GLI2: variants seen among roughly 807,000 people sequenced by gnomAD.
The protein encoded by GLI2 is GLI family zinc finger 2, also known as transcription activator GLI2.
In GLI2, 22 loss-of-function variants were observed where a neutral mutation model predicts 78.9. The ratio of observed to expected loss-of-function variants is 0.28; its 90% CI spans 0.20 to 0.40. The LOEUF is 0.40. GLI2 is among the 10% of genes least tolerant of loss of function. The pLI is 1.00. For missense variants in GLI2, 2,097 were observed against 2,213.2 expected (o/e 0.95, Z 1.05); for synonymous variants, 974 against 963.7 (o/e 1.01, Z -0.20).
In GLI2 at chr2:120,984,598, A is replaced by C. The variant is rs756664261; in HGVS notation, c.1760A>C (p.His587Pro). ...HVTKKQRNDV[H>P]LRTPLLKENG... ...ACCAAGAAGCAGCGCAATGACGTGCACCTCCGCACACCGCTGCTCAAAGAG... is the reference window on the plus strand; with the variant it reads ...ACCAAGAAGCAGCGCAATGACGTGCCCCTCCGCACACCGCTGCTCAAAGAG... Residue 587 changes from histidine to proline, a missense_variant, in exon 12 of 14, where the codon CAC (histidine) becomes CCC (proline). By Grantham distance (77) the His-to-Pro change is moderately conservative. Coordinates refer to ENST00000361492, the MANE Select transcript of GLI2 (RefSeq NM_001374353.1). The C allele has an allele frequency of 7.2e-5, 116 of 1,614,042 alleles. No homozygotes were observed. The highest frequency in any genetic ancestry group is 2.2e-4 in the Admixed American group (13 of 60,004).
chr2:120,860,200 G>A (rs1266734870), intron 2 of GLI2, among the ~76,000 whole-genome samples: 1 of 152,202 alleles, frequency 6.6e-6, no homozygotes, highest in East Asian at 1.9e-4. Flanking sequence ...ATGGACCAGG[G>A]TGGGCTTCAG....
At chr2:120,829,669 G>A (rs554745858) in intron 2 of GLI2, among the ~76,000 whole-genome samples, 8 of 152,300 alleles carry the variant, frequency 5.3e-5, no homozygotes, top group South Asian at 4.1e-4. Context: ...TGTCCCATCC[G>A]TTCTCCAAGT....
chr2:120,888,707 G>A (rs946673299), intron 2 of GLI2, among the ~76,000 whole-genome samples: 2 of 152,202 alleles, frequency 1.3e-5, no homozygotes, highest in African/African-American at 2.4e-5. Flanking sequence ...AAACGTGTGA[G>A]GAAAGCTGAC....
intron 5 of GLI2, among the ~76,000 whole-genome samples, chr2:120,967,445 G>A (rs148841951): frequency 6.6e-6 from 1 of 152,302 alleles, no homozygotes; most frequent in Non-Finnish European, 1.5e-5. Flanking sequence ...CCATTTCTAG[G>A]CCACCGTTTG....
In GLI2 at chr2:120,737,961, T is replaced by C. The variant is rs1298490418; in HGVS notation, c.-31+1676T>C. Reference sequence around the variant, plus strand: ...TGTTCCAGCCACCTCACCTGCCAGCTTTCTCTCCGCCCATTTCCTTACCTT... The same window carrying C: ...TGTTCCAGCCACCTCACCTGCCAGCCTTCTCTCCGCCCATTTCCTTACCTT... On this transcript the variant is annotated intron_variant, in intron 1 of 13. Transcript: ENST00000361492. The surrounding 1 kb of genome is among the most constrained non-coding windows in gnomAD (Gnocchi z 4.3). Among the ~76,000 whole-genome samples, 1 of 152,202 alleles carries C rather than the reference T, an allele frequency of 6.6e-6. No individual in the cohort carries two copies. The highest frequency in any genetic ancestry group is 1.5e-5 in the Non-Finnish European group (1 of 68,030).
chr2:120,872,713 C>T (rs1688529051), intron 2 of GLI2, among the ~76,000 whole-genome samples: 1 of 152,228 alleles, frequency 6.6e-6, no homozygotes, highest in South Asian at 2.1e-4. Context: ...CTCAACTTTG[C>T]TGTAACCTCA....
intron 2 of GLI2, among the ~76,000 whole-genome samples, chr2:120,896,670 C>CACA (rs1163768905): frequency 0.03 from 66 of 2,190 alleles, no homozygotes; most frequent in African/African-American, 0.12. Context: ...CATACACCCA[C>CACA]CCCCCCACAC....
intron 2 of GLI2, among the ~76,000 whole-genome samples, chr2:120,893,392 G>A (rs1677775978): frequency 6.6e-6 from 1 of 151,528 alleles, no homozygotes; most frequent in Admixed American, 6.6e-5. Context: ...GATTCTTGCT[G>A]GGTGCCCCCA....
chr2:120,911,827 G>C (rs962503515), intron 2 of GLI2, among the ~76,000 whole-genome samples: 1 of 151,766 alleles, frequency 6.6e-6, no homozygotes, highest in African/African-American at 2.4e-5. Flanking sequence ...GGATGAGGGG[G>C]TGTGGTGGGG....
intron 2 of GLI2, among the ~76,000 whole-genome samples, chr2:120,865,831 A>G (rs774887291): frequency 6.6e-6 from 1 of 152,216 alleles, no homozygotes; most frequent in Non-Finnish European, 1.5e-5. Context: ...TCTGCATTCA[A>G]GGCTTTGCCA....
At chr2:120,766,131 G>T (rs1174665036) in intron 1 of GLI2, among the ~76,000 whole-genome samples, 1 of 152,182 alleles carries the variant, frequency 6.6e-6, no homozygotes, top group Non-Finnish European at 1.5e-5. Flanking sequence ...CAAGGCTGGG[G>T]CTGGGATGAG....
intron 3 of GLI2, among the ~76,000 whole-genome samples, chr2:120,945,492 G>A (rs1680664898): frequency 6.6e-6 from 1 of 152,218 alleles, no homozygotes; most frequent in Non-Finnish European, 1.5e-5. Context: ...ACTTATGGCT[G>A]GGGTCTGCCT....
At chr2:120,950,292 A>G (rs756372601) in intron 3 of GLI2, among the ~76,000 whole-genome samples, 3 of 152,260 alleles carry the variant, frequency 2.0e-5, no homozygotes, top group Admixed American at 2.0e-4. Flanking sequence ...AAGAATAAAA[A>G]TGAAATCTTG....
At chr2:120,758,969 G>A (rs1394165529) in intron 1 of GLI2, among the ~76,000 whole-genome samples, 1 of 152,140 alleles carries the variant, frequency 6.6e-6, no homozygotes, top group Non-Finnish European at 1.5e-5. Flanking sequence ...ATGACTGGGG[G>A]CCAGGCCCTT....
At chr2:120,740,378 G>A (rs1252337100) in intron 1 of GLI2, among the ~76,000 whole-genome samples, 5 of 152,000 alleles carry the variant, frequency 3.3e-5, no homozygotes, top group African/African-American at 1.2e-4. Context: ...AAACTGTTTT[G>A]GGGATTTGGG....
intron 1 of GLI2, among the ~76,000 whole-genome samples, chr2:120,796,571 C>T (rs1322977531): frequency 6.6e-6 from 1 of 152,232 alleles, no homozygotes. Flanking sequence ...CCCATCCCTA[C>T]CCCAGAGAGG....
intron 2 of GLI2, among the ~76,000 whole-genome samples, chr2:120,898,974 T>A (rs1448599076): frequency 6.6e-6 from 1 of 152,068 alleles, no homozygotes; most frequent in Non-Finnish European, 1.5e-5. Flanking sequence ...ACGTGGCACC[T>A]CCAGACACAG....
rs76865054 is a variant in GLI2 at position 120,803,517 on chromosome 2, T to C, written c.148+6049T>C. Reference sequence around the variant, plus strand: ...CCCTTGCCTGCTGACCCGTTGAGGCTGACAGCAGGTGGGAAACCCAGGTTT... The same window carrying C: ...CCCTTGCCTGCTGACCCGTTGAGGCCGACAGCAGGTGGGAAACCCAGGTTT... On this transcript the variant is annotated intron_variant, in intron 2 of 13. Coordinates refer to ENST00000361492, the MANE Select transcript of GLI2 (RefSeq NM_001374353.1). Among the ~76,000 whole-genome samples the C allele has an allele frequency of 2.3e-3, 343 of 152,342 alleles. 1 individual carries two copies. Among genetic ancestry groups the C allele is most frequent in the African/African-American group, 7.7e-3 (322 of 41,582 alleles).
chr2:120,927,364 C>T lies in GLI2; in HGVS notation c.152C>T (p.Pro51Leu), dbSNP rs780172791. 30 of 1,611,118 alleles carry T rather than the reference C, an allele frequency of 1.9e-5. No individual in the cohort carries two copies. The East Asian group carries it at 4.9e-4, about 26-fold the overall frequency. Reference protein sequence around the residue: ...AAAAVAAQGVPQHLLPPFHAP... With the variant: ...AAAAVAAQGVLQHLLPPFHAP... ...GTTTCTCTCTCCCCCTCTGCAGTGC[C>T]GCAGCATCTCTTGCCACCATTCCAT... Residue 51 changes from proline to leucine, a missense_variant, in exon 3 of 14, where the codon CCG becomes CTG. Coordinates refer to ENST00000361492, the MANE Select transcript of GLI2 (RefSeq NM_001374353.1).
Sources: gnomAD v4.1 joint callset for allele counts (sites outside exome capture counted in the v4.1 genomes callset) on GRCh38, gnomAD v4.1.1 for gene constraint, Gnocchi (gnomAD v3.1) non-coding constraint, MANE v1.5 for transcripts, NCBI Gene and HGNC (gene_info 2026-07-23, HGNC 2026-07-21) for gene names.